Variants in DPYSL2 observed in about 807,000 individuals in gnomAD.
The protein encoded by DPYSL2 is dihydropyrimidinase-related protein 2.
A neutral mutation model predicts 69.9 loss-of-function variants in DPYSL2; 13 were observed. The observed-to-expected ratio is 0.19, with a 90% CI of 0.12 to 0.30. The LOEUF (loss-of-function observed/expected upper bound fraction) is 0.30. Among genes scored for constraint, DPYSL2 ranks in the 10% least tolerant of loss-of-function variants. DPYSL2 has a pLI of 1.00. For synonymous variants in DPYSL2, 326 were observed against 359.1 expected (o/e 0.91, Z 1.04); for missense variants, 587 against 918.9 (o/e 0.64, Z 4.67).
In DPYSL2 at chr8:26,648,403, C is replaced by T. The variant is rs1190949337; in HGVS notation, c.1596+603C>T. On this transcript the variant is annotated intron_variant, in intron 11 of 13. Coordinates refer to ENST00000521913, the MANE Select transcript of DPYSL2 (RefSeq NM_001197293.3). The surrounding 1 kb of genome is among the most constrained non-coding windows in gnomAD (Gnocchi z 4.3). ...CTGGGCTTTAGAGCTTAGAGATGTC[C>T]TCTCTTGTTAACAGGACCCAGGGCA... 6.6e-6 allele frequency among the ~76,000 whole-genome samples: 1 copy of T among 152,166 alleles called. No homozygotes were observed. The highest frequency in any genetic ancestry group is 6.5e-5 in the Admixed American group (1 of 15,282).
Position 26,560,839 on chromosome 8 carries a change from G to A in DPYSL2, c.355-21130G>A, listed in dbSNP as rs915503721. Among the ~76,000 whole-genome samples the A allele has an allele frequency of 6.6e-6, 1 of 152,178 alleles. No individual in the cohort carries two copies. Among genetic ancestry groups the A allele is most frequent in the African/African-American group, 2.4e-5 (1 of 41,434 alleles). ...AATCACCAGCAGTTACAAAGTGCTGGTTCCACCCATTTTCCAACCAGAAAG... is the reference window on the plus strand; with the variant it reads ...AATCACCAGCAGTTACAAAGTGCTGATTCCACCCATTTTCCAACCAGAAAG... On this transcript the variant is annotated intron_variant, in intron 1 of 13. Transcript: ENST00000521913. This position sits in a 1 kb window ranked among gnomAD's most constrained non-coding sequence, Gnocchi z 4.4.
Position 26,627,640 on chromosome 8 carries a change from C to G in DPYSL2, c.937-232C>G, listed in dbSNP as rs1421804503. Among the ~76,000 whole-genome samples the G allele has an allele frequency of 6.6e-6, 1 of 152,168 alleles. No homozygotes were observed. Among genetic ancestry groups the G allele is most frequent in the East Asian group, 1.9e-4 (1 of 5,188 alleles). On this transcript the variant is annotated intron_variant, in intron 6 of 13. Coordinates refer to ENST00000521913, the MANE Select transcript of DPYSL2 (RefSeq NM_001197293.3). The surrounding 1 kb of genome is among the most constrained non-coding windows in gnomAD (Gnocchi z 6.9). ...TTGCAAATGCACCAGTCGTCAGCAT[C>G]CCAGGGAACAGCTGAATGGGTTTTG...
intron 3 of DPYSL2, among the ~76,000 whole-genome samples, chr8:26,590,319 C>T (rs1801697129): frequency 6.6e-6 from 1 of 152,198 alleles, no homozygotes; most frequent in Non-Finnish European, 1.5e-5. Flanking sequence ...TCCCCTTGTC[C>T]CCTCAGTCTC....
chr8:26,524,515 G>A lies in DPYSL2; in HGVS notation c.354+9836G>A, dbSNP rs1808442884. ...TTAAATTCCCATTAAAAATGAATGA[G>A]GGCCGAGCGCGCTAGCTCATGCCTG... On this transcript the variant is annotated intron_variant, in intron 1 of 13. Transcript: ENST00000521913. Among the ~76,000 whole-genome samples, 3 of 152,044 alleles carry A rather than the reference G, an allele frequency of 2.0e-5. No individual in the cohort carries two copies. The South Asian group carries it at 6.2e-4, about 32-fold the overall frequency.
rs546854530 is a variant in DPYSL2 at position 26,591,480 on chromosome 8, G to A, written c.628+7497G>A. The stretch of plus-strand genomic sequence containing the variant: ...GAGACTTCTGAGGACAGCGATCGTG[G>A]CCTCTCCATTTTCCTAAGGCCCCTG... On this transcript the variant is annotated intron_variant, in intron 3 of 13. Coordinates refer to ENST00000521913, the MANE Select transcript of DPYSL2 (RefSeq NM_001197293.3). The surrounding 1 kb of genome is among the most constrained non-coding windows in gnomAD (Gnocchi z 5.8). 4.7e-4 allele frequency among the ~76,000 whole-genome samples: 72 copies of A among 152,304 alleles called. No individual in the cohort carries two copies. The highest frequency in any genetic ancestry group is 1.7e-3 in the Admixed American group (26 of 15,306).
intron 4 of DPYSL2, among the ~76,000 whole-genome samples, chr8:26,625,130 A>G (rs1049073765): frequency 4.6e-5 from 7 of 152,208 alleles, no homozygotes; most frequent in Admixed American, 4.6e-4. Context: ...CCCCGGAATG[A>G]AAAGCAAGAG....
chr8:26,578,440 G>A, intron 1 of DPYSL2: 1 of 1,510,376 alleles, frequency 6.6e-7, no homozygotes, highest in African/African-American at 1.4e-5. Flanking sequence ...GGTGATGGTG[G>A]TGGTGGTTGT....
At chr8:26,534,166 T>C (rs1362752434) in intron 1 of DPYSL2, among the ~76,000 whole-genome samples, 1 of 152,200 alleles carries the variant, frequency 6.6e-6, no homozygotes, top group East Asian at 1.9e-4. Flanking sequence ...GCCATTTATA[T>C]GGACTATTTC....
intron 3 of DPYSL2, among the ~76,000 whole-genome samples, chr8:26,592,116 G>A (rs1801740901): frequency 1.3e-5 from 2 of 152,276 alleles, no homozygotes; most frequent in Middle Eastern, 3.4e-3. Context: ...GCCCATAATA[G>A]GTGAGCATTC....
chr8:26,607,265 G>C (rs1290576201), intron 3 of DPYSL2, among the ~76,000 whole-genome samples: 1 of 151,708 alleles, frequency 6.6e-6, no homozygotes, highest in Non-Finnish European at 1.5e-5. Flanking sequence ...TGGGTGAATT[G>C]CCTGACATCA....
chr8:26,568,537 T>C (rs1801187406), intron 1 of DPYSL2, among the ~76,000 whole-genome samples: 1 of 152,160 alleles, frequency 6.6e-6, no homozygotes. Flanking sequence ...TTGTTAAATC[T>C]TTACAATATC....
chr8:26,523,099 G>C (rs1440769685), intron 1 of DPYSL2, among the ~76,000 whole-genome samples: 1 of 151,576 alleles, frequency 6.6e-6, no homozygotes, highest in East Asian at 1.9e-4. Context: ...TTGTTCATAT[G>C]TAAAAAACTC....
chr8:26,624,964 G>A lies in DPYSL2; in HGVS notation c.793+657G>A, dbSNP rs1170932844. On this transcript the variant is annotated intron_variant, in intron 4 of 13. Coordinates refer to ENST00000521913, the MANE Select transcript of DPYSL2 (RefSeq NM_001197293.3). The surrounding 1 kb of genome is among the most constrained non-coding windows in gnomAD (Gnocchi z 4.7). Reference sequence around the variant, plus strand: ...CACATCATCTTCCTGGGTCTCGCTGGGCTTGGCTAGAGACCAGATTAACTT... The same window carrying A: ...CACATCATCTTCCTGGGTCTCGCTGAGCTTGGCTAGAGACCAGATTAACTT... 6.6e-6 allele frequency among the ~76,000 whole-genome samples: 1 copy of A among 152,084 alleles called. No individual in the cohort carries two copies. Among genetic ancestry groups the A allele is most frequent in the Non-Finnish European group, 1.5e-5 (1 of 68,022 alleles).
At position 26,587,889 on chromosome 8, in the gene DPYSL2, G is replaced by A. The variant is rs1224863679; in HGVS notation, c.628+3906G>A. 1.3e-5 allele frequency among the ~76,000 whole-genome samples: 2 copies of A among 152,162 alleles called. No homozygotes were observed. Among genetic ancestry groups the A allele is most frequent in the Non-Finnish European group, 2.9e-5 (2 of 68,032 alleles). On this transcript the variant is annotated intron_variant, in intron 3 of 13. Coordinates refer to ENST00000521913, the MANE Select transcript of DPYSL2 (RefSeq NM_001197293.3). This position sits in a 1 kb window ranked among gnomAD's most constrained non-coding sequence, Gnocchi z 4.2. The stretch of plus-strand genomic sequence containing the variant: ...GGAACAGTTACCTCTATTTTATAGA[G>A]GGGAAGACTGAGGCCGGAAGGACAG...
intron 1 of DPYSL2, among the ~76,000 whole-genome samples, chr8:26,556,678 G>A (rs936521002): frequency 4.6e-5 from 7 of 151,536 alleles, no homozygotes; most frequent in Non-Finnish European, 1.0e-4. Context: ...TGATCTTCCC[G>A]GTTTGATCCA....
intron 1 of DPYSL2, among the ~76,000 whole-genome samples, chr8:26,581,105 G>T (rs11783896): frequency 1.3e-5 from 2 of 152,078 alleles, no homozygotes. Context: ...CATCAATGGC[G>T]TATTTTTTGT....
At chr8:26,528,742 G>C (rs1428971622) in intron 1 of DPYSL2, among the ~76,000 whole-genome samples, 1 of 152,160 alleles carries the variant, frequency 6.6e-6, no homozygotes, top group South Asian at 2.1e-4. Context: ...GCAGTGCAGC[G>C]CCACTCTGGG....
intron 8 of DPYSL2, among the ~76,000 whole-genome samples, chr8:26,635,369 G>T (rs1233554494): frequency 2.6e-5 from 4 of 152,180 alleles, no homozygotes; most frequent in African/African-American, 9.7e-5. Flanking sequence ...AGATGTTTTG[G>T]TGCTTGATAA....
rs116471435 is a variant in DPYSL2, at chr8:26,649,443, A to T, written c.1596+1643A>T. The stretch of plus-strand genomic sequence containing the variant: ...TAGAAGACGAGACAGTGGGAAGGAG[A>T]GAAGATTTGGGAAGACAGATTCTGC... On this transcript the variant is annotated intron_variant, in intron 11 of 13. Coordinates refer to ENST00000521913, the MANE Select transcript of DPYSL2 (RefSeq NM_001197293.3). 5.1e-3 allele frequency among the ~76,000 whole-genome samples: 784 copies of T among 152,288 alleles called. 8 individuals carry two copies. Among genetic ancestry groups the T allele is most frequent in the African/African-American group, 0.018 (737 of 41,558 alleles).
Sources: gnomAD v4.1 joint callset for allele counts (sites outside exome capture counted in the v4.1 genomes callset) on GRCh38, gnomAD v4.1.1 for gene constraint, Gnocchi (gnomAD v3.1) non-coding constraint, MANE v1.5 for transcripts, NCBI Gene and HGNC (gene_info 2026-07-23, HGNC 2026-07-21) for gene names.